The following PAPPA2 variants were observed in gnomAD, a reference collection of about 807,000 sequenced individuals.
The protein encoded by PAPPA2 is pappalysin 2.
PAPPA2 carries 86 observed loss-of-function variants against 176.4 expected under a neutral mutation model. That is an observed-to-expected ratio of 0.49 (90% CI 0.41 to 0.58). The LOEUF is 0.58. Among genes scored for constraint, PAPPA2 ranks in the 20% least tolerant of loss-of-function variants. The pLI, the probability that PAPPA2 is intolerant of heterozygous loss-of-function variation, is 0.00. For missense variants in PAPPA2, 2,073 were observed against 2,256.9 expected (o/e 0.92, Z 1.65); for synonymous variants, 809 against 852.2 (o/e 0.95, Z 0.88).
intron 1 of PAPPA2, among the ~76,000 whole-genome samples, chr1:176,487,822 G>A (rs1652713629): frequency 6.6e-6 from 1 of 152,100 alleles, no homozygotes; most frequent in Non-Finnish European, 1.5e-5. Context: ...AAAGGGACAG[G>A]GAAGAAGTGA....
chr1:176,513,386 A>G (rs576778054), intron 1 of PAPPA2, among the ~76,000 whole-genome samples: 77 of 151,988 alleles, frequency 5.1e-4, no homozygotes, highest in Middle Eastern at 3.4e-3. Flanking sequence ...ACAAGCACAA[A>G]GCTTTTTCCT....
intron 14 of PAPPA2, 93 bp downstream of exon 14, chr1:176,740,289 C>A: frequency 2.4e-6 from 3 of 1,233,486 alleles, no homozygotes; most frequent in Non-Finnish European, 3.4e-6. Flanking sequence ...AGTGTTTGCT[C>A]AATCACTAAC....
intron 2 of PAPPA2, among the ~76,000 whole-genome samples, chr1:176,592,351 A>G (rs1653719595): frequency 6.6e-6 from 1 of 152,166 alleles, no homozygotes; most frequent in South Asian, 2.1e-4. Flanking sequence ...TACATCTCAC[A>G]AGTAATATAG....
rs776538831 is a variant in PAPPA2, at chr1:176,594,897, C to T, written c.1293C>T (p.Thr431=). 51 of 1,614,072 alleles carry T rather than the reference C, an allele frequency of 3.2e-5. No homozygotes were observed. The highest frequency in any genetic ancestry group is 5.0e-5 in the Admixed American group (3 of 60,006). The change falls in exon 3 of 23, where the codon ACC becomes ACT. Residue 431 remains threonine, a synonymous_variant. Coordinates refer to ENST00000367662, the MANE Select transcript of PAPPA2 (RefSeq NM_020318.3). ...GHLGTLVFWS[T]ALPQSHFQHS... is the part of the protein sequence containing the mutation. Reference sequence around the variant, plus strand: ...TGGGCACACTGGTTTTCTGGTCGACCGCCCTGCCACAAAGCCATTTTCAGC... The same window carrying T: ...TGGGCACACTGGTTTTCTGGTCGACTGCCCTGCCACAAAGCCATTTTCAGC...
intron 12 of PAPPA2, among the ~76,000 whole-genome samples, chr1:176,717,186 G>A (rs1016434678): frequency 1.3e-5 from 2 of 152,178 alleles, no homozygotes; most frequent in African/African-American, 4.8e-5. Flanking sequence ...TGTTTTGTAA[G>A]CATTGGTTAG....
At position 176,692,206 on chromosome 1, in the gene PAPPA2, AC is replaced by A. The variant is rs1252769614; in HGVS notation, c.2513del (p.Thr838MetfsTer103). 6.2e-7 allele frequency: 1 copy of A among 1,614,022 alleles called. No homozygotes were observed. The highest frequency in any genetic ancestry group is 1.3e-5 in the African/African-American group (1 of 75,022). On this transcript the variant is annotated frameshift_variant, in exon 6 of 23. Transcript: ENST00000367662. LOFTEE classifies it high-confidence loss of function. ...TTTGGACCTAGTCTATCAGCAGTGGACTGAAAGCAGAAAGCCCACCCCCATC... is the reference window on the plus strand; with the variant it reads ...TTTGGACCTAGTCTATCAGCAGTGGATGAAAGCAGAAAGCCCACCCCCATC... ...CYLDLVYQQWTESRKPTPIPI... is the reference protein window; with the variant it reads ...CYLDLVYQQWXESRKPTPIPI...
intron 14 of PAPPA2, among the ~76,000 whole-genome samples, chr1:176,748,196 G>C (rs1663013037): frequency 6.6e-6 from 1 of 152,228 alleles, no homozygotes; most frequent in Non-Finnish European, 1.5e-5. Context: ...ATAGGCGAAT[G>C]TATGCAGTAA....
intron 2 of PAPPA2, among the ~76,000 whole-genome samples, chr1:176,571,240 C>A (rs1652310991): frequency 6.6e-6 from 1 of 152,156 alleles, no homozygotes; most frequent in Non-Finnish European, 1.5e-5. Context: ...TGCAAGCCAT[C>A]CATCCCCTCA....
chr1:176,710,520 C>G (rs575486145), intron 11 of PAPPA2, among the ~76,000 whole-genome samples: 1 of 152,080 alleles, frequency 6.6e-6, no homozygotes, highest in African/African-American at 2.4e-5. Context: ...TGAAGAAACC[C>G]TTGATATAAG....
rs763263913 is a variant in PAPPA2 at position 176,710,181 on chromosome 1, GT to G, written c.3651+7del. On this transcript the variant is annotated splice_donor_region_variant and intron_variant, in intron 11 of 22. Transcript: ENST00000367662. ...ACTGGAGAACCTCATTCCCTAGTAA[GT>G]TAAGCCAGATGAATAGAGTCGAGCC... 101 of 1,612,420 alleles carry G rather than the reference GT, an allele frequency of 6.3e-5. No individual in the cohort carries two copies. Among genetic ancestry groups the G allele is most frequent in the Middle Eastern group, 3.3e-4 (2 of 6,062 alleles).
At chr1:176,588,354 A>C (rs1455764835) in intron 2 of PAPPA2, among the ~76,000 whole-genome samples, 4 of 152,256 alleles carry the variant, frequency 2.6e-5, no homozygotes, top group Non-Finnish European at 5.9e-5. Context: ...TGTCATCTGC[A>C]AACAAAGACA....
intron 3 of PAPPA2, among the ~76,000 whole-genome samples, chr1:176,606,148 C>T (rs1170069364): frequency 6.6e-6 from 1 of 151,644 alleles, no homozygotes; most frequent in East Asian, 1.9e-4. Context: ...TTAATGCTCA[C>T]CATAGCTCCA....
intron 1 of PAPPA2, among the ~76,000 whole-genome samples, chr1:176,496,755 G>C (rs1360727158): frequency 6.6e-6 from 1 of 152,150 alleles, no homozygotes; most frequent in African/African-American, 2.4e-5. Flanking sequence ...GTCGAGAAAG[G>C]GAGCCTAAGA....
chr1:176,829,490 G>A (rs947319150), intron 21 of PAPPA2, among the ~76,000 whole-genome samples: 50 of 152,230 alleles, frequency 3.3e-4, no homozygotes, highest in Non-Finnish European at 7.3e-5. Context: ...TGCTGGGGCT[G>A]TGGTGGAACA....
At chr1:176,705,812 A>G (rs912682798) in intron 9 of PAPPA2, among the ~76,000 whole-genome samples, 1 of 152,212 alleles carries the variant, frequency 6.6e-6, no homozygotes, top group Admixed American at 6.5e-5. Flanking sequence ...AGCCCTAAGG[A>G]TTCCCTAGAC....
chr1:176,787,055 A>G (rs1322029434), intron 17 of PAPPA2, among the ~76,000 whole-genome samples: 1 of 152,166 alleles, frequency 6.6e-6, no homozygotes, highest in Non-Finnish European at 1.5e-5. Context: ...ACAAACTTGC[A>G]CATGTACCCC....
intron 1 of PAPPA2, among the ~76,000 whole-genome samples, chr1:176,483,871 A>C (rs538669630): frequency 1.3e-5 from 2 of 152,162 alleles, no homozygotes; most frequent in Non-Finnish European, 2.9e-5. Flanking sequence ...ACTCGTCCAC[A>C]ATGGCTCCTG....
intron 1 of PAPPA2, among the ~76,000 whole-genome samples, chr1:176,492,094 T>C (rs1647320976): frequency 6.6e-6 from 1 of 152,178 alleles, no homozygotes; most frequent in Non-Finnish European, 1.5e-5. Flanking sequence ...AACAGCAAGA[T>C]GTGAGGATTT....
At chr1:176,482,181 G>T (rs942274260) in intron 1 of PAPPA2, among the ~76,000 whole-genome samples, 2 of 152,140 alleles carry the variant, frequency 1.3e-5, no homozygotes, top group Admixed American at 1.3e-4. Context: ...GCCATTCAAC[G>T]CAATTCAGAA....
Sources: gnomAD v4.1 joint callset for allele counts (sites outside exome capture counted in the v4.1 genomes callset) on GRCh38, gnomAD v4.1.1 for gene constraint, MANE v1.5 for transcripts, NCBI Gene and HGNC (gene_info 2026-07-23, HGNC 2026-07-21) for gene names.